Variants in ADAM17 observed in about 807,000 individuals in gnomAD.
ADAM17 encodes ADAM metallopeptidase domain 17.
A neutral mutation model predicts 96.7 loss-of-function variants in ADAM17; 39 were observed. The observed-to-expected ratio is 0.40, with a 90% CI of 0.31 to 0.53. ADAM17 has a LOEUF of 0.53. ADAM17 is among the 20% of genes least tolerant of loss of function. The pLI is 0.44. For missense variants in ADAM17, 777 were observed against 1,013.2 expected, an observed-to-expected ratio of 0.77 and a Z score of 3.17; for synonymous variants, 344 against 359.2, an observed-to-expected ratio of 0.96 and a Z score of 0.48.
intron 1 of ADAM17, among the ~76,000 whole-genome samples, chr2:9,550,007 GGAAAACA>G (rs1665532332): frequency 6.6e-6 from 1 of 152,036 alleles, no homozygotes; most frequent in Non-Finnish European, 1.5e-5. Context: ...TATCAGAAAT[GGAAAACA>G]TAAAGCCAGT....
intron 1 of ADAM17, among the ~76,000 whole-genome samples, chr2:9,549,664 C>A (rs1363496480): frequency 6.6e-6 from 1 of 151,992 alleles, no homozygotes; most frequent in African/African-American, 2.4e-5. Context: ...CAGGCACATG[C>A]CACCGCACCT....
intron 1 of ADAM17, among the ~76,000 whole-genome samples, chr2:9,555,229 A>G (rs1385391939): frequency 6.6e-6 from 1 of 151,982 alleles, no homozygotes; most frequent in Admixed American, 6.6e-5. Context: ...CGCTTTCCCA[A>G]CACCCTCCCC....
At chr2:9,498,445 G>A (rs1558497810) in intron 13 of ADAM17, among the ~76,000 whole-genome samples, 2 of 152,196 alleles carry the variant, frequency 1.3e-5, no homozygotes, top group Admixed American at 1.3e-4. Flanking sequence ...AACACAAATA[G>A]AGGAGGAGAA....
At chr2:9,520,596 T>C (rs2125020290) in intron 8 of ADAM17, among the ~76,000 whole-genome samples, 1 of 152,266 alleles carries the variant, frequency 6.6e-6, no homozygotes, top group African/African-American at 2.4e-5. Flanking sequence ...ACTCTATATA[T>C]TGGGTATCCA....
intron 1 of ADAM17, among the ~76,000 whole-genome samples, chr2:9,549,526 T>C (rs1444320224): frequency 1.3e-5 from 2 of 151,930 alleles, no homozygotes; most frequent in Non-Finnish European, 2.9e-5. Flanking sequence ...AACGTGTGGG[T>C]TTTTGTTTTG....
chr2:9,494,578 T>C (rs531235271), intron 15 of ADAM17, 59 bp downstream of exon 15: 22 of 1,595,440 alleles, frequency 1.4e-5, no homozygotes, highest in Non-Finnish European at 1.5e-5. Context: ...AATCAAGTAC[T>C]TACAAAATAA....
chr2:9,494,523 G>T, intron 15 of ADAM17, 114 bp downstream of exon 15: 1 of 1,243,824 alleles, frequency 8.0e-7, no homozygotes, highest in Non-Finnish European at 1.1e-6. Flanking sequence ...CAATGGGCCA[G>T]AAGGATGTAG....
At chr2:9,547,786 A>G (rs1336129114) in intron 1 of ADAM17, among the ~76,000 whole-genome samples, 1 of 152,180 alleles carries the variant, frequency 6.6e-6, no homozygotes, top group African/African-American at 2.4e-5. Flanking sequence ...GTGGTGGCTC[A>G]TGCCTGTCAT....
chr2:9,529,278 C>T (rs954081103), intron 4 of ADAM17, among the ~76,000 whole-genome samples: 5 of 151,890 alleles, frequency 3.3e-5, no homozygotes, highest in Admixed American at 1.3e-4. Context: ...AGTGAAACCC[C>T]GACTCTAGTA....
At chr2:9,520,185 T>G (rs964103840) in intron 8 of ADAM17, among the ~76,000 whole-genome samples, 8 of 152,232 alleles carry the variant, frequency 5.3e-5, no homozygotes, top group African/African-American at 1.7e-4. Flanking sequence ...ATAAGTGTTG[T>G]TCTAAGCTGC....
intron 14 of ADAM17, 39 bp from the exon 15 acceptor site, chr2:9,494,806 G>C: frequency 6.2e-7 from 1 of 1,608,154 alleles, no homozygotes; most frequent in Non-Finnish European, 8.5e-7. Flanking sequence ...GGATTGTTCT[G>C]AGACCTGCCT....
At chr2:9,498,874 G>T (rs1478552463) in intron 13 of ADAM17, among the ~76,000 whole-genome samples, 1 of 152,144 alleles carries the variant, frequency 6.6e-6, no homozygotes, top group African/African-American at 2.4e-5. Context: ...CAGAGTATTA[G>T]ACAGGTAGGA....
At chr2:9,548,535 T>C (rs958856454) in intron 1 of ADAM17, among the ~76,000 whole-genome samples, 1 of 150,886 alleles carries the variant, frequency 6.6e-6, no homozygotes, top group Non-Finnish European at 1.5e-5. Flanking sequence ...CAGGAGACAA[T>C]TGCATGCTGA....
chr2:9,541,645 T>C (rs1057011975), intron 2 of ADAM17, among the ~76,000 whole-genome samples: 2 of 152,210 alleles, frequency 1.3e-5, no homozygotes, highest in African/African-American at 4.8e-5. Context: ...CTAACTGAGT[T>C]AGAAGTAAAA....
At chr2:9,494,132 G>C (rs1457419341) in intron 15 of ADAM17, among the ~76,000 whole-genome samples, 4 of 152,154 alleles carry the variant, frequency 2.6e-5, no homozygotes, top group African/African-American at 9.7e-5. Context: ...AGTGGACAGT[G>C]AACAACACAG....
intron 15 of ADAM17, 102 bp downstream of exon 15, chr2:9,494,535 C>T: frequency 7.3e-7 from 1 of 1,364,588 alleles, no homozygotes; most frequent in Non-Finnish European, 1.0e-6. Context: ...AGGATGTAGC[C>T]CCACTTGTGT....
intron 5 of ADAM17, 136 bp from the exon 6 acceptor site, chr2:9,526,380 C>T: frequency 1.1e-6 from 1 of 889,772 alleles, no homozygotes. Context: ...TGAACAACAA[C>T]AAAAAATAAT....
intron 1 of ADAM17, among the ~76,000 whole-genome samples, chr2:9,552,111 T>C (rs1301562693): frequency 4.6e-5 from 7 of 152,196 alleles, no homozygotes; most frequent in Admixed American, 4.6e-4. Flanking sequence ...TTCCGTTACC[T>C]CAATGAAGCC....
chr2:9,504,045 G>C (rs1026512525), intron 12 of ADAM17, among the ~76,000 whole-genome samples: 2 of 151,946 alleles, frequency 1.3e-5, no homozygotes, highest in Non-Finnish European at 2.9e-5. Flanking sequence ...TGTCTATCCG[G>C]GAGGCTGAGG....
Sources: gnomAD v4.1 joint callset for allele counts (sites outside exome capture counted in the v4.1 genomes callset) on GRCh38, gnomAD v4.1.1 for gene constraint, MANE v1.5 for transcripts, NCBI Gene and HGNC (gene_info 2026-07-23, HGNC 2026-07-21) for gene names.